SNX5: variants seen among roughly 807,000 people sequenced by gnomAD.
The protein encoded by SNX5 is sorting nexin 5, also known as sorting nexin-5.
In SNX5, 31 loss-of-function variants were observed where a neutral mutation model predicts 53.9. The observed-to-expected ratio is 0.58, with a 90% CI of 0.43 to 0.78. SNX5 has a LOEUF of 0.78. SNX5 is among the 30% of genes least tolerant of loss of function. SNX5 has a pLI of 0.00. For synonymous variants in SNX5, 168 were observed against 171.1 expected (o/e 0.98, Z 0.14); for missense variants, 471 against 478.8 (o/e 0.98, Z 0.15).
rs751031852 is a variant in SNX5, at chr20:17,948,906, T to A, written c.902A>T (p.Asn301Ile). Reference sequence around the variant, plus strand: ...TCTTCCTACCTTAGCAGCTTCAATGTTGAGCATGTAGTATCGGAGGAGCTC... The same window carrying A: ...TCTTCCTACCTTAGCAGCTTCAATGATGAGCATGTAGTATCGGAGGAGCTC... ...LTELLRYYMLNIEAAKDLLYR... is the reference protein window; with the variant it reads ...LTELLRYYMLIIEAAKDLLYR... The change falls in exon 10 of 13, where the codon AAC becomes ATC. Residue 301 changes from asparagine (N) to isoleucine (I), a missense_variant. Asn to Ile is a moderately radical substitution (Grantham distance 149). Transcript: ENST00000377759. 1.2e-6 allele frequency: 2 copies of A among 1,612,104 alleles called. No individual in the cohort carries two copies. The highest frequency in any genetic ancestry group is 2.2e-5 in the South Asian group (2 of 91,000).
intron 11 of SNX5, chr20:17,943,666 C>A (rs2039447921): frequency 6.4e-6 from 1 of 156,170 alleles, no homozygotes; most frequent in South Asian, 1.9e-4. Flanking sequence ...GATTACCTCA[C>A]ACCTGCTAGA....
chr20:17,955,551 G>C, intron 2 of SNX5, 76 bp from the exon 3 acceptor site: 1 of 954,980 alleles, frequency 1.0e-6, no homozygotes, highest in Non-Finnish European at 1.7e-6. Flanking sequence ...GCTACACAGT[G>C]GGAAAATTCT....
At chr20:17,955,516 T>A (rs1284004672) in intron 2 of SNX5, 41 bp from the exon 3 acceptor site, 1 of 1,401,674 alleles carries the variant, frequency 7.1e-7, no homozygotes, top group Admixed American at 1.7e-5. Flanking sequence ...CCACGACTTT[T>A]AGATAAGTGA....
At chr20:17,952,968 A>C (rs115737371) in intron 4 of SNX5, among the ~76,000 whole-genome samples, 141 of 152,368 alleles carry the variant, frequency 9.3e-4, no homozygotes, top group African/African-American at 3.3e-3. Context: ...CTAAATCTAC[A>C]TGCAATTACT....
At position 17,952,581 on chromosome 20, in the gene SNX5, C is replaced by T. The variant is rs2039585713; in HGVS notation, c.513+6G>A. 3 of 1,611,746 alleles carry T rather than the reference C, an allele frequency of 1.9e-6. No homozygotes were observed. The highest frequency in any genetic ancestry group is 2.5e-6 in the Non-Finnish European group (3 of 1,178,992). ...GGATTATCAAAATGGAATAAAAATG[C>T]CTTACATCCTGATCATATTCCAGGA... On this transcript the variant is annotated splice_donor_region_variant and intron_variant, in intron 5 of 12. Coordinates refer to ENST00000377759, the MANE Select transcript of SNX5 (RefSeq NM_014426.4).
intron 11 of SNX5, among the ~76,000 whole-genome samples, chr20:17,946,673 C>A (rs897616547): frequency 6.6e-6 from 1 of 152,158 alleles, no homozygotes; most frequent in South Asian, 2.1e-4. Context: ...TTTCTGCAAT[C>A]GTCAGAGTAA....
chr20:17,949,397 T>TA (rs1476873986), intron 8 of SNX5, among the ~76,000 whole-genome samples: 1 of 152,252 alleles, frequency 6.6e-6, no homozygotes, highest in Non-Finnish European at 1.5e-5. Context: ...GGTTGGTTTC[T>TA]AATGAGCTAT....
chr20:17,952,547 A>G (rs2039585172), intron 5 of SNX5, 40 bp downstream of exon 5: 1 of 1,593,336 alleles, frequency 6.3e-7, no homozygotes, highest in African/African-American at 1.3e-5. Flanking sequence ...AAGTATAAAC[A>G]TTTGAAGTGG....
chr20:17,949,371 A>G (rs1401658877), intron 8 of SNX5, among the ~76,000 whole-genome samples: 2 of 152,226 alleles, frequency 1.3e-5, no homozygotes, highest in Non-Finnish European at 2.9e-5. Context: ...TTAAATGCCA[A>G]TGCTGTGTAA....
chr20:17,942,784 G>A, intron 12 of SNX5: 2 of 366,390 alleles, frequency 5.5e-6, no homozygotes, highest in South Asian at 3.9e-5. Flanking sequence ...AGGGCTGGGA[G>A]CTTTAGCTCA....
In SNX5 at chr20:17,943,295, T is replaced by C; in HGVS notation, c.1079-100A>G. 2.0e-5 allele frequency: 16 copies of C among 782,014 alleles called. 1 individual carries two copies. In the South Asian group the frequency reaches 2.3e-4, roughly 11 times the overall value. 48.4% of individuals were successfully genotyped at this position (782,014 alleles called of 1,614,324 possible). A position where few individuals can be genotyped will look rare whatever the true frequency, so the allele number is the denominator to read the frequency against. On this transcript the variant is annotated intron_variant, in intron 11 of 12. Coordinates refer to ENST00000377759, the MANE Select transcript of SNX5 (RefSeq NM_014426.4). The stretch of plus-strand genomic sequence containing the variant: ...CATTCTTACAAATGGTCTCCAATGC[T>C]TTCAGGCACCAGCATTATTTCCTCA...
At chr20:17,954,193 T>C (rs1441771941) in intron 3 of SNX5, 76 bp from the exon 4 acceptor site, 5 of 1,582,354 alleles carry the variant, frequency 3.2e-6, no homozygotes, top group Non-Finnish European at 4.3e-6. Context: ...ATTCTACTCT[T>C]GCTGGTCCAC....
At chr20:17,961,200 T>G (rs1216735658) in intron 1 of SNX5, 23 of 985,316 alleles carry the variant, frequency 2.3e-5, no homozygotes, top group Non-Finnish European at 2.5e-5. Flanking sequence ...ACCCTGCAGC[T>G]GTTGAGCTCC....
rs895384655 is a variant in SNX5 at position 17,955,624 on chromosome 20, G to T, written c.157-149C>A. 14 of 587,816 alleles carry T rather than the reference G, an allele frequency of 2.4e-5. No homozygotes were observed. In the Admixed American group the frequency reaches 2.7e-4, roughly 12 times the overall value. 36.4% of individuals were successfully genotyped at this position (587,816 alleles called of 1,614,324 possible). A position where few individuals can be genotyped will look rare whatever the true frequency, so the allele number is the denominator to read the frequency against. Reference sequence around the variant, plus strand: ...GCAGTTATACATGATCTCCTGTCATGAAAGTCATAGCTAAGATTCAACCTG... The same window carrying T: ...GCAGTTATACATGATCTCCTGTCATTAAAGTCATAGCTAAGATTCAACCTG... On this transcript the variant is annotated intron_variant, in intron 2 of 12. Transcript: ENST00000377759.
At chr20:17,951,407 CATTT>C in intron 6 of SNX5, 89 bp downstream of exon 6, 1 of 756,084 alleles carries the variant, frequency 1.3e-6, no homozygotes, top group East Asian at 2.5e-5. Context: ...AAAAGTTAAC[CATTT>C]GTTTCACAAG....
chr20:17,958,971 G>T (rs2035407577), intron 1 of SNX5, among the ~76,000 whole-genome samples: 1 of 152,216 alleles, frequency 6.6e-6, no homozygotes, highest in Non-Finnish European at 1.5e-5. Context: ...CTCTGGAGGA[G>T]ACATAGGACA....
Position 17,949,156 on chromosome 20 carries a change from T to C in SNX5, c.792-53A>G, listed in dbSNP as rs538153960. The C allele has an allele frequency of 4.5e-5, 66 of 1,472,888 alleles. No individual in the cohort carries two copies. The African/African-American group carries it at 8.5e-4, about 19-fold the overall frequency. 91.2% of individuals were successfully genotyped at this position (1,472,888 alleles called of 1,614,324 possible). On this transcript the variant is annotated intron_variant, in intron 8 of 12. Coordinates refer to ENST00000377759, the MANE Select transcript of SNX5 (RefSeq NM_014426.4). ...AAGGTCTTAAATCATCTATAAAACATGATCTTACCAGTGTGCAAGACAGGA... is the reference window on the plus strand; with the variant it reads ...AAGGTCTTAAATCATCTATAAAACACGATCTTACCAGTGTGCAAGACAGGA...
At chr20:17,952,038 G>A (rs368988569) in intron 5 of SNX5, among the ~76,000 whole-genome samples, 85 of 152,166 alleles carry the variant, frequency 5.6e-4, no homozygotes, top group East Asian at 1.7e-3. Context: ...CTTGGCTAAC[G>A]CGGTGAAACC....
Position 17,950,174 on chromosome 20 carries a change from C to G in SNX5, c.749G>C (p.Cys250Ser), listed in dbSNP as rs750577873. 6.2e-7 allele frequency: 1 copy of G among 1,614,208 alleles called. No homozygotes were observed. Among genetic ancestry groups the G allele is most frequent in the Non-Finnish European group, 8.5e-7 (1 of 1,180,024 alleles). The change falls in exon 8 of 13, where the codon TGC becomes TCC. Residue 250 changes from cysteine (C) to serine (S), a missense_variant. Transcript: ENST00000377759. ...VADDYIHTAA[C>S]LHSLALEEPT... ...CTCTTCTAAAGCCAGGCTATGTAAGCAGGCTGCGGTGTGGATATAGTCATC... is the reference window on the plus strand; with the variant it reads ...CTCTTCTAAAGCCAGGCTATGTAAGGAGGCTGCGGTGTGGATATAGTCATC...
Sources: gnomAD v4.1 joint callset for allele counts (sites outside exome capture counted in the v4.1 genomes callset) on GRCh38, gnomAD v4.1.1 for gene constraint, MANE v1.5 for transcripts, NCBI Gene and HGNC (gene_info 2026-07-23, HGNC 2026-07-21) for gene names.